NFIB: variants seen among roughly 807,000 people sequenced by gnomAD.
NFIB encodes the protein nuclear factor I B, also known as nuclear factor 1 B-type.
In NFIB, 11 loss-of-function variants were observed where a neutral mutation model predicts 61.5. The observed-to-expected ratio is 0.18, with a 90% CI of 0.11 to 0.30. NFIB has a LOEUF of 0.30. Ranked by LOEUF, NFIB falls within the 10% of genes least tolerant of loss-of-function variation. The probability of loss-of-function intolerance (pLI) is 1.00; values close to 1 mark genes in which losing one functional copy is unlikely to be tolerated. For synonymous variants in NFIB, 260 were observed against 216.5 expected (o/e 1.20, Z -1.76); for missense variants, 471 against 608.9 (o/e 0.77, Z 2.38).
chr9:14,227,139 G>A (rs1437167075), intron 2 of NFIB, among the ~76,000 whole-genome samples: 1 of 119,284 alleles, frequency 8.4e-6, no homozygotes, highest in African/African-American at 3.5e-5. Flanking sequence ...AAAACTCCGT[G>A]TCAAAAAAAA....
rs533096489 is a variant in NFIB, at chr9:14,168,966, C to A, written c.616+10761G>T. ...GGCTATTTTTGGATATCAATTTGGACATGGTAAGCATAAAATAGCAGAATA... is the reference window on the plus strand; with the variant it reads ...GGCTATTTTTGGATATCAATTTGGAAATGGTAAGCATAAAATAGCAGAATA... On this transcript the variant is annotated intron_variant, in intron 3 of 10. Transcript: ENST00000380953. Among the ~76,000 whole-genome samples, 30 of 152,266 alleles carry A rather than the reference C, an allele frequency of 2.0e-4. 1 individual carries two copies. Among genetic ancestry groups the A allele is most frequent in the Admixed American group, 2.0e-4 (3 of 15,292 alleles).
In NFIB at chr9:14,169,390, T is replaced by TCCTAGTTTTATTATATAAAATAAA. The variant is rs565258400; in HGVS notation, c.616+10336_616+10337insTTTATTTTATATAATAAAACTAGG. Among the ~76,000 whole-genome samples the TCCTAGTTTTATTATATAAAATAAA allele has an allele frequency of 1.9e-4, 29 of 152,246 alleles. 1 individual carries two copies. In the South Asian group the frequency reaches 5.6e-3, roughly 29 times the overall value. On this transcript the variant is annotated intron_variant, in intron 3 of 10. Coordinates refer to ENST00000380953, the MANE Select transcript of NFIB (RefSeq NM_001190737.2). ...TATCTCAGCAAAAACAGGAGTTTGGTATGAAAGATGCCAAGGTCCCTAAAG... is the reference window on the plus strand; with the variant it reads ...TATCTCAGCAAAAACAGGAGTTTGGTCCTAGTTTTATTATATAAAATAAAATGAAAGATGCCAAGGTCCCTAAAG...
intron 2 of NFIB, among the ~76,000 whole-genome samples, chr9:14,282,882 CTCTT>C (rs1296383178): frequency 3.3e-5 from 5 of 152,164 alleles, no homozygotes; most frequent in East Asian, 1.9e-4. Context: ...GACTGGCTCT[CTCTT>C]TGTCTGAGAA....
At chr9:14,230,631 C>T (rs2053008894) in intron 2 of NFIB, among the ~76,000 whole-genome samples, 1 of 152,150 alleles carries the variant, frequency 6.6e-6, no homozygotes, top group South Asian at 2.1e-4. Flanking sequence ...TAAGCTTAGA[C>T]TTAAAGGGTG....
At chr9:14,495,505 C>G in the NFIB span, among the ~76,000 whole-genome samples, 11 of 130,790 alleles carry the variant, frequency 8.4e-5, no homozygotes, top group Non-Finnish European at 1.2e-4. Flanking sequence ...AACTGCTGGA[C>G]TATGTGGACT....
rs1275352371 is a variant in NFIB at position 14,313,107 on chromosome 9, C to T, written c.30+375G>A. 6.6e-6 allele frequency among the ~76,000 whole-genome samples: 1 copy of T among 152,220 alleles called. No individual in the cohort carries two copies. The highest frequency in any genetic ancestry group is 1.5e-5 in the Non-Finnish European group (1 of 68,034). On this transcript the variant is annotated intron_variant, in intron 1 of 10. Coordinates refer to ENST00000380953, the MANE Select transcript of NFIB (RefSeq NM_001190737.2). This position sits in a 1 kb window ranked among gnomAD's most constrained non-coding sequence, Gnocchi z 4.5. ...CCGTAAAGTCCTCCAAAGCCCGAGT[C>T]CACCTCAACGCGCGAGCTGCTGAGA...
rs1421301399 is a variant in NFIB, at chr9:14,087,201, T to A, written c.*1108A>T. 1 of 201,800 alleles carries A rather than the reference T, an allele frequency of 5.0e-6. No homozygotes were observed. Among genetic ancestry groups the A allele is most frequent in the African/African-American group, 2.3e-5 (1 of 43,562 alleles). 12.5% of individuals were successfully genotyped at this position (201,800 alleles called of 1,614,324 possible). On this transcript the variant is annotated 3_prime_UTR_variant, in exon 11 of 11. Transcript: ENST00000380953. The stretch of plus-strand genomic sequence containing the variant: ...TAATTTTAAATAAATAAATTCTACC[T>A]CCAAGGAGGCTGCAGCTAAACCAAC...
At chr9:14,226,592 TA>T (rs936118374) in intron 2 of NFIB, among the ~76,000 whole-genome samples, 3 of 151,762 alleles carry the variant, frequency 2.0e-5, no homozygotes, top group Non-Finnish European at 2.9e-5. Context: ...ATATTAGTCT[TA>T]AAAAATACTT....
At chr9:14,333,697 C>T (rs2060848842) in intron 1 of NFIB, among the ~76,000 whole-genome samples, 1 of 152,032 alleles carries the variant, frequency 6.6e-6, no homozygotes, top group Non-Finnish European at 1.5e-5. Context: ...TGTGGTCATA[C>T]CATTGAATAT....
chr9:14,463,192 A>C, the NFIB span, among the ~76,000 whole-genome samples: 120 of 151,604 alleles, frequency 7.9e-4, 1 homozygote, highest in African/African-American at 2.9e-3. Flanking sequence ...TATTTAATTG[A>C]AATAAGCTTA....
the NFIB span, among the ~76,000 whole-genome samples, chr9:14,494,527 C>A: frequency 2.0e-5 from 3 of 152,160 alleles, no homozygotes; most frequent in Non-Finnish European, 4.4e-5. Context: ...TTCTTTTTCG[C>A]AGATCCAGGA....
chr9:14,396,573 AT>A (rs1413976338), intron 1 of NFIB, among the ~76,000 whole-genome samples: 1 of 152,170 alleles, frequency 6.6e-6, no homozygotes, highest in African/African-American at 2.4e-5. Context: ...CAAAACCCTT[AT>A]ATTACATTTG....
intron 2 of NFIB, among the ~76,000 whole-genome samples, chr9:14,188,245 C>G (rs1218779091): frequency 6.6e-6 from 1 of 152,168 alleles, no homozygotes; most frequent in African/African-American, 2.4e-5. Context: ...AATTAATTAA[C>G]TGACTCAATC....
chr9:14,231,048 C>T (rs370953764), intron 2 of NFIB, among the ~76,000 whole-genome samples: 67 of 147,136 alleles, frequency 4.6e-4, no homozygotes, highest in African/African-American at 1.7e-3. Context: ...GCCACTCTGT[C>T]ACTAGAACAA....
chr9:14,225,456 CAAAAAAA>C (rs1228589594), intron 2 of NFIB, among the ~76,000 whole-genome samples: 1 of 58,020 alleles, frequency 1.7e-5, no homozygotes, highest in East Asian at 5.9e-4. Flanking sequence ...GACTCCGTCT[CAAAAAAA>C]AAAAAAAAAA....
intron 1 of NFIB, among the ~76,000 whole-genome samples, chr9:14,368,930 C>G (rs567699185): frequency 7.9e-5 from 12 of 152,196 alleles, no homozygotes; most frequent in Admixed American, 3.3e-4. Flanking sequence ...GCCTACCTCA[C>G]AGGTTTGGTG....
chr9:14,194,690 G>C (rs933965058), intron 2 of NFIB, among the ~76,000 whole-genome samples: 1 of 152,082 alleles, frequency 6.6e-6, no homozygotes, highest in African/African-American at 2.4e-5. Context: ...AAACAAATGA[G>C]ATACATTATA....
the NFIB span, among the ~76,000 whole-genome samples, chr9:14,436,129 T>C: frequency 1.3e-5 from 2 of 152,248 alleles, no homozygotes; most frequent in South Asian, 2.1e-4. Context: ...ACTCTGCTCA[T>C]TGCTTTGGCA....
chr9:14,126,496 A>G, intron 6 of NFIB, among the ~76,000 whole-genome samples: 1 of 152,196 alleles, frequency 6.6e-6, no homozygotes, highest in Middle Eastern at 3.2e-3. Context: ...TCTCCCCAGG[A>G]TGAGGAAGGC....
Sources: gnomAD v4.1 joint callset for allele counts (sites outside exome capture counted in the v4.1 genomes callset) on GRCh38, gnomAD v4.1.1 for gene constraint, Gnocchi (gnomAD v3.1) non-coding constraint, MANE v1.5 for transcripts, NCBI Gene and HGNC (gene_info 2026-07-23, HGNC 2026-07-21) for gene names.